The following GNA14 variants were observed in gnomAD, a reference collection of about 807,000 sequenced individuals.
GNA14 encodes the protein guanine nucleotide-binding protein subunit alpha-14.
GNA14 carries 50 observed loss-of-function variants against 42.0 expected under a neutral mutation model. That is an observed-to-expected ratio of 1.19 (90% CI 0.95 to 1.51). GNA14 has a LOEUF of 1.51. GNA14 is among the 40% of genes most tolerant of loss of function. The pLI, the probability that GNA14 is intolerant of heterozygous loss-of-function variation, is 0.00. For synonymous variants in GNA14, 173 were observed against 163.1 expected (o/e 1.06, Z -0.46); for missense variants, 473 against 446.2 (o/e 1.06, Z -0.54).
At chr9:77,576,825 A>G (rs1446359677) in intron 1 of GNA14, among the ~76,000 whole-genome samples, 1 of 152,138 alleles carries the variant, frequency 6.6e-6, no homozygotes, top group Non-Finnish European at 1.5e-5. Context: ...TTCCCAATTT[A>G]TGAGTGTTAT....
intron 2 of GNA14, among the ~76,000 whole-genome samples, chr9:77,440,622 G>A (rs1835716424): frequency 2.0e-5 from 3 of 152,152 alleles, no homozygotes; most frequent in Admixed American, 1.3e-4. Context: ...ATTGTAGAGT[G>A]GCTAAATCAA....
intron 2 of GNA14, among the ~76,000 whole-genome samples, chr9:77,462,500 A>T (rs980243126): frequency 6.6e-6 from 1 of 152,090 alleles, no homozygotes; most frequent in African/African-American, 2.4e-5. Context: ...GCGGGTGGAC[A>T]CGAGGTCAGG....
chr9:77,528,951 C>A, intron 2 of GNA14, 118 bp downstream of exon 2: 1 of 848,896 alleles, frequency 1.2e-6, no homozygotes, highest in South Asian at 1.5e-5. Flanking sequence ...GATCCCCACA[C>A]CCCAGGGAAC....
chr9:77,606,477 G>A lies in GNA14; in HGVS notation c.124+41193C>T, dbSNP rs529521766. 1.1e-4 allele frequency among the ~76,000 whole-genome samples: 17 copies of A among 152,196 alleles called. No individual in the cohort carries two copies. The South Asian group carries it at 3.5e-3, about 32-fold the overall frequency. On this transcript the variant is annotated intron_variant, in intron 1 of 6. Coordinates refer to ENST00000341700, the MANE Select transcript of GNA14 (RefSeq NM_004297.4). The stretch of plus-strand genomic sequence containing the variant: ...TCTTGGATTCTTCTTAATATTCATA[G>A]CCCTCTCTTTTCAGGAAGTGAATGG...
chr9:77,538,833 T>C (rs1325457303), intron 1 of GNA14, among the ~76,000 whole-genome samples: 1 of 152,188 alleles, frequency 6.6e-6, no homozygotes, highest in East Asian at 1.9e-4. Context: ...ATTTTGGTGG[T>C]CTTTAGGTTT....
intron 2 of GNA14, among the ~76,000 whole-genome samples, chr9:77,522,464 A>G (rs1004372099): frequency 2.0e-5 from 3 of 152,208 alleles, no homozygotes; most frequent in Non-Finnish European, 4.4e-5. Flanking sequence ...AACACAACAG[A>G]CACTGTCAAT....
intron 2 of GNA14, among the ~76,000 whole-genome samples, chr9:77,461,079 T>A (rs1412346274): frequency 1.3e-5 from 2 of 152,238 alleles, no homozygotes; most frequent in Non-Finnish European, 2.9e-5. Flanking sequence ...CCTTCACTCA[T>A]GCTGATCAGT....
chr9:77,427,440 A>G (rs1047412166), intron 5 of GNA14, among the ~76,000 whole-genome samples: 3 of 152,304 alleles, frequency 2.0e-5, no homozygotes, highest in Admixed American at 2.0e-4. Context: ...AATATAAGCT[A>G]TGCTCCTCAG....
chr9:77,447,281 T>C (rs10113944), intron 2 of GNA14, among the ~76,000 whole-genome samples: 30,553 of 152,060 alleles, frequency 0.2, 3,151 homozygotes, highest in East Asian at 0.37. Flanking sequence ...TTATCTGTTA[T>C]ATATCCCTTT....
chr9:77,424,527 G>T (rs1361530139), intron 6 of GNA14, among the ~76,000 whole-genome samples: 2 of 152,116 alleles, frequency 1.3e-5, no homozygotes, highest in East Asian at 1.9e-4. Flanking sequence ...CTGGCCCCAA[G>T]AACCATTTTT....
intron 4 of GNA14, among the ~76,000 whole-genome samples, chr9:77,429,818 C>T (rs1835514780): frequency 1.3e-5 from 2 of 152,286 alleles, no homozygotes; most frequent in South Asian, 2.1e-4. Flanking sequence ...AACAAGGTAT[C>T]CAATGTGTTA....
At chr9:77,500,308 G>C (rs990385672) in intron 2 of GNA14, among the ~76,000 whole-genome samples, 6 of 152,108 alleles carry the variant, frequency 3.9e-5, no homozygotes, top group Non-Finnish European at 8.8e-5. Context: ...GTGAGCCACT[G>C]TGCCCGGCCA....
chr9:77,437,204 C>T (rs935280073), intron 2 of GNA14, among the ~76,000 whole-genome samples: 17 of 152,232 alleles, frequency 1.1e-4, no homozygotes, highest in African/African-American at 4.1e-4. Context: ...TAGGAATGAA[C>T]TTCAGGGTGA....
At chr9:77,492,612 C>A (rs143145243) in intron 2 of GNA14, among the ~76,000 whole-genome samples, 3 of 152,110 alleles carry the variant, frequency 2.0e-5, no homozygotes, top group Admixed American at 6.5e-5. Flanking sequence ...GAATGAAATA[C>A]GAAGAAATAG....
At chr9:77,525,017 C>G (rs538224576) in intron 2 of GNA14, among the ~76,000 whole-genome samples, 2 of 152,250 alleles carry the variant, frequency 1.3e-5, no homozygotes, top group East Asian at 1.9e-4. Context: ...TAAATCCACT[C>G]ATGGACTGTG....
intron 1 of GNA14, among the ~76,000 whole-genome samples, chr9:77,644,357 G>T (rs1275340631): frequency 1.3e-5 from 2 of 149,966 alleles, no homozygotes; most frequent in African/African-American, 4.9e-5. Flanking sequence ...GGGAGGCTGA[G>T]GTGGGAGGAT....
At chr9:77,612,236 T>C (rs2117947578) in intron 1 of GNA14, among the ~76,000 whole-genome samples, 1 of 152,272 alleles carries the variant, frequency 6.6e-6, no homozygotes, top group East Asian at 1.9e-4. Context: ...TCCACTATTT[T>C]GCCTCTGACA....
chr9:77,611,097 T>C (rs1208513801), intron 1 of GNA14, among the ~76,000 whole-genome samples: 1 of 152,176 alleles, frequency 6.6e-6, no homozygotes, highest in Non-Finnish European at 1.5e-5. Context: ...TGTTTTACAT[T>C]ACCCTATTCT....
chr9:77,486,134 G>T (rs1249036965), intron 2 of GNA14, among the ~76,000 whole-genome samples: 1 of 152,210 alleles, frequency 6.6e-6, no homozygotes, highest in African/African-American at 2.4e-5. Flanking sequence ...GTGGTTTGGT[G>T]TAGCCACTTT....
Sources: gnomAD v4.1 joint callset for allele counts (sites outside exome capture counted in the v4.1 genomes callset) on GRCh38, gnomAD v4.1.1 for gene constraint, MANE v1.5 for transcripts, NCBI Gene and HGNC (gene_info 2026-07-23, HGNC 2026-07-21) for gene names.